KIAA0825: variants seen among roughly 807,000 people sequenced by gnomAD.
KIAA0825 encodes the protein KIAA0825.
In KIAA0825, 119 loss-of-function variants were observed where a neutral mutation model predicts 147.6. That is an observed-to-expected ratio of 0.81 (90% CI 0.69 to 0.94). KIAA0825 has a LOEUF of 0.94. Among genes scored for constraint, KIAA0825 ranks in the 40% least tolerant of loss-of-function variants. The probability of loss-of-function intolerance (pLI) is 0.00; values close to 1 mark genes in which losing one functional copy is unlikely to be tolerated. For missense variants in KIAA0825, 1,381 were observed against 1,472.7 expected, an observed-to-expected ratio of 0.94 and a Z score of 1.02; for synonymous variants, 470 against 518.1, an observed-to-expected ratio of 0.91 and a Z score of 1.26.
At chr5:94,235,954 C>T (rs1775018241) in intron 20 of KIAA0825, among the ~76,000 whole-genome samples, 1 of 152,192 alleles carries the variant, frequency 6.6e-6, no homozygotes, top group South Asian at 2.1e-4. Context: ...TTCAAACTTA[C>T]TGCTCCTTGA....
intron 20 of KIAA0825, among the ~76,000 whole-genome samples, chr5:94,291,432 G>A (rs1408971260): frequency 6.6e-6 from 1 of 152,084 alleles, no homozygotes; most frequent in Non-Finnish European, 1.5e-5. Context: ...GTAGATGTGT[G>A]ACATTATTTC....
chr5:94,526,677 TC>T (rs1482934426), intron 3 of KIAA0825, among the ~76,000 whole-genome samples: 1 of 152,154 alleles, frequency 6.6e-6, no homozygotes, highest in South Asian at 2.1e-4. Flanking sequence ...ACTCCTAGAT[TC>T]CCTGACTGTA....
intron 5 of KIAA0825, among the ~76,000 whole-genome samples, chr5:94,507,036 A>C (rs1020377875): frequency 1.3e-5 from 2 of 152,224 alleles, no homozygotes; most frequent in African/African-American, 2.4e-5. Context: ...ATACCAAAAA[A>C]ATAAGTGTTA....
At chr5:94,197,107 T>C (rs1008016760) in intron 20 of KIAA0825, among the ~76,000 whole-genome samples, 5 of 152,218 alleles carry the variant, frequency 3.3e-5, no homozygotes, top group African/African-American at 9.7e-5. Flanking sequence ...CATTCCCATT[T>C]TGCCACACCT....
At chr5:94,549,256 C>T (rs1369792466) in intron 2 of KIAA0825, among the ~76,000 whole-genome samples, 1 of 152,060 alleles carries the variant, frequency 6.6e-6, no homozygotes, top group Non-Finnish European at 1.5e-5. Context: ...TCCCTGACCA[C>T]AATGGAATAA....
At chr5:94,442,344 A>T (rs1294795740) in intron 13 of KIAA0825, among the ~76,000 whole-genome samples, 1 of 152,146 alleles carries the variant, frequency 6.6e-6, no homozygotes, top group African/African-American at 2.4e-5. Flanking sequence ...AAATTGGAGT[A>T]ACTCCTCAGG....
At position 94,407,990 on chromosome 5, in the gene KIAA0825, G is replaced by A. The variant is rs144749293; in HGVS notation, c.2663-4197C>T. Among the ~76,000 whole-genome samples, 348 of 152,268 alleles carry A rather than the reference G, an allele frequency of 2.3e-3. 2 individuals are homozygous for A. The highest frequency in any genetic ancestry group is 8.1e-3 in the African/African-American group (338 of 41,552). The stretch of plus-strand genomic sequence containing the variant: ...AGCCACATAATAAATATTTTAAGCC[G>A]TATGACAGATGATCTTTGTTGCAAC... On this transcript the variant is annotated intron_variant, in intron 15 of 20. Coordinates refer to ENST00000682413, the MANE Select transcript of KIAA0825 (RefSeq NM_001145678.3).
At chr5:94,440,273 G>T (rs1442292572) in intron 13 of KIAA0825, among the ~76,000 whole-genome samples, 152 bp from the exon 14 acceptor site, 2 of 152,158 alleles carry the variant, frequency 1.3e-5, no homozygotes, top group Non-Finnish European at 2.9e-5. Context: ...CTTTAGGGTT[G>T]CCTGGGGAAG....
At chr5:94,600,576 T>C (rs929922876) in intron 1 of KIAA0825, among the ~76,000 whole-genome samples, 1 of 152,178 alleles carries the variant, frequency 6.6e-6, no homozygotes, top group Non-Finnish European at 1.5e-5. Context: ...ATATTTAGTA[T>C]TACCACCATA....
intron 5 of KIAA0825, among the ~76,000 whole-genome samples, chr5:94,509,569 A>G (rs1766193854): frequency 6.6e-6 from 1 of 152,220 alleles, no homozygotes; most frequent in East Asian, 1.9e-4. Flanking sequence ...AAACTTGCAT[A>G]TATTTAATCA....
At chr5:94,469,380 C>T (rs1760937426) in intron 10 of KIAA0825, among the ~76,000 whole-genome samples, 1 of 152,118 alleles carries the variant, frequency 6.6e-6, no homozygotes, top group African/African-American at 2.4e-5. Context: ...CCATGTTGGC[C>T]AGGCTGGTCT....
intron 1 of KIAA0825, among the ~76,000 whole-genome samples, chr5:94,613,536 C>A (rs1041475539): frequency 6.6e-6 from 1 of 152,096 alleles, no homozygotes; most frequent in African/African-American, 2.4e-5. Flanking sequence ...CTGCATTTGG[C>A]TTTAGTGTTG....
At chr5:94,539,456 G>A (rs1772823068) in intron 2 of KIAA0825, among the ~76,000 whole-genome samples, 1 of 152,058 alleles carries the variant, frequency 6.6e-6, no homozygotes, top group South Asian at 2.1e-4. Context: ...GCATCTTTCT[G>A]GTGACCACAG....
chr5:94,392,133 T>C (rs1039400314), intron 17 of KIAA0825, among the ~76,000 whole-genome samples: 6 of 152,214 alleles, frequency 3.9e-5, no homozygotes, highest in African/African-American at 1.2e-4. Context: ...TTACACCTGT[T>C]GTAGAACACA....
chr5:94,263,051 T>G (rs1776576479), intron 20 of KIAA0825, among the ~76,000 whole-genome samples: 1 of 152,086 alleles, frequency 6.6e-6, no homozygotes, highest in Non-Finnish European at 1.5e-5. Flanking sequence ...ACAGAAACAT[T>G]GCTGAGCTAT....
chr5:94,267,233 T>C (rs776894247), intron 20 of KIAA0825, among the ~76,000 whole-genome samples: 1 of 152,220 alleles, frequency 6.6e-6, no homozygotes. Flanking sequence ...GAAAATATCA[T>C]TGCAGATGTG....
At chr5:94,507,145 A>AT (rs1303074653) in intron 5 of KIAA0825, among the ~76,000 whole-genome samples, 2 of 152,206 alleles carry the variant, frequency 1.3e-5, no homozygotes, top group African/African-American at 4.8e-5. Flanking sequence ...AATTAAATAT[A>AT]TTTTATTAAA....
At chr5:94,441,751 G>T (rs547687154) in intron 13 of KIAA0825, among the ~76,000 whole-genome samples, 1 of 152,234 alleles carries the variant, frequency 6.6e-6, no homozygotes, top group Non-Finnish European at 1.5e-5. Flanking sequence ...ATAAATGTTT[G>T]TTAAGCCACC....
intron 13 of KIAA0825, among the ~76,000 whole-genome samples, chr5:94,440,568 G>GA (rs1041911395): frequency 2.6e-5 from 4 of 151,712 alleles, no homozygotes; most frequent in Admixed American, 6.6e-5. Flanking sequence ...GATTGCAGAT[G>GA]AAAAAAAATC....
Sources: allele counts gnomAD v4.1 joint callset (sites outside exome capture counted in the v4.1 genomes callset), GRCh38; gene constraint gnomAD v4.1.1; transcripts MANE v1.5; gene names NCBI Gene and HGNC (gene_info 2026-07-23, HGNC 2026-07-21).